The following PODXL2 variants were observed in gnomAD, a reference collection of about 807,000 sequenced individuals.
The protein encoded by PODXL2 is podocalyxin like 2, also known as podocalyxin-like protein 2.
PODXL2 carries 17 observed loss-of-function variants against 53.4 expected under a neutral mutation model. The ratio of observed to expected loss-of-function variants is 0.32; its 90% confidence interval spans 0.22 to 0.48. The LOEUF (loss-of-function observed/expected upper bound fraction) is 0.48, where lower values mean the gene tolerates loss of function less well. Ranked by LOEUF, PODXL2 falls within the 20% of genes least tolerant of loss-of-function variation. The pLI, the probability that PODXL2 is intolerant of heterozygous loss-of-function variation, is 0.99. For synonymous variants in PODXL2, 311 were observed against 306.7 expected (o/e 1.01, Z -0.15); for missense variants, 673 against 760.0 (o/e 0.89, Z 1.35).
At chr3:127,641,644 G>A (rs532600790) in intron 2 of PODXL2, among the ~76,000 whole-genome samples, 3 of 151,756 alleles carry the variant, frequency 2.0e-5, no homozygotes, top group African/African-American at 7.2e-5. Flanking sequence ...CTCCTGAGTA[G>A]CTGGGATCAT....
Position 127,632,695 on chromosome 3 carries a change from C to T in PODXL2, c.70+3406C>T, listed in dbSNP as rs79465311. Among the ~76,000 whole-genome samples, 1,080 of 152,314 alleles carry T rather than the reference C, an allele frequency of 7.1e-3. 19 individuals are homozygous for T. Among genetic ancestry groups the T allele is most frequent in the African/African-American group, 0.025 (1,023 of 41,564 alleles). Reference sequence around the variant, plus strand: ...GCTTTTGCAAAGCAGTCTGCTACATCGGCTCATATCCCCTAAAGAACTTAG... The same window carrying T: ...GCTTTTGCAAAGCAGTCTGCTACATTGGCTCATATCCCCTAAAGAACTTAG... On this transcript the variant is annotated intron_variant, in intron 1 of 7. Transcript: ENST00000342480.
chr3:127,639,170 G>T, intron 1 of PODXL2, 75 bp from the exon 2 acceptor site: 1 of 1,427,892 alleles, frequency 7.0e-7, no homozygotes, highest in Non-Finnish European at 9.4e-7. Context: ...TGTCATTTGA[G>T]ACATGCTCTA....
intron 3 of PODXL2, among the ~76,000 whole-genome samples, 155 bp downstream of exon 3, chr3:127,661,314 A>C (rs906179156): frequency 1.3e-5 from 2 of 152,182 alleles, no homozygotes; most frequent in Admixed American, 6.5e-5. Flanking sequence ...TGGGGATGCA[A>C]ACCTCAGGGC....
At chr3:127,660,297 T>G (rs929800336) in intron 2 of PODXL2, 81 bp from the exon 3 acceptor site, 1 of 1,545,688 alleles carries the variant, frequency 6.5e-7, no homozygotes, top group Non-Finnish European at 8.7e-7. Flanking sequence ...TTGTGGTTCT[T>G]TTATGCCATC....
In PODXL2 at chr3:127,629,211, G is replaced by C. The variant is rs1362580084; in HGVS notation, c.-9G>C. The stretch of plus-strand genomic sequence containing the variant: ...CGCCGCTGCGGCTGCAGGCGGCGAC[G>C]GCTACACCATGGGCCGGCTGCTGCG... On this transcript the variant is annotated 5_prime_UTR_variant, in exon 1 of 8. Transcript: ENST00000342480. The surrounding 1 kb of genome is among the most constrained non-coding windows in gnomAD (Gnocchi z 6.4). 3.0e-6 allele frequency: 3 copies of C among 989,462 alleles called. No individual in the cohort carries two copies. The highest frequency in any genetic ancestry group is 1.8e-5 in the African/African-American group (1 of 56,752). The allele number at this position is 989,462 out of a possible 1,614,324, so 61.3% of individuals were successfully genotyped here. A position where few individuals can be genotyped will look rare whatever the true frequency, so the allele number is the denominator to read the frequency against.
At chr3:127,663,453 C>G (rs1297293129) in intron 4 of PODXL2, among the ~76,000 whole-genome samples, 1 of 152,184 alleles carries the variant, frequency 6.6e-6, no homozygotes, top group African/African-American at 2.4e-5. Context: ...GCCTTAAATT[C>G]TTTACTCTTG....
At chr3:127,645,858 A>G (rs999718999) in intron 2 of PODXL2, among the ~76,000 whole-genome samples, 1 of 152,136 alleles carries the variant, frequency 6.6e-6, no homozygotes, top group Non-Finnish European at 1.5e-5. Flanking sequence ...GCTTCTGTCT[A>G]GGGGTTCTTG....
chr3:127,644,537 G>A (rs961428819), intron 2 of PODXL2, among the ~76,000 whole-genome samples: 9 of 150,962 alleles, frequency 6.0e-5, no homozygotes, highest in Non-Finnish European at 1.2e-4. Context: ...TTGGCCTCAG[G>A]ACCACAGTGG....
intron 2 of PODXL2, among the ~76,000 whole-genome samples, chr3:127,654,820 C>T (rs976263184): frequency 1.3e-5 from 2 of 152,292 alleles, no homozygotes; most frequent in Middle Eastern, 3.4e-3. Context: ...GGTGCGGTGG[C>T]TTACGCCTAT....
At chr3:127,657,524 G>C (rs2074732811) in intron 2 of PODXL2, among the ~76,000 whole-genome samples, 1 of 152,180 alleles carries the variant, frequency 6.6e-6, no homozygotes, top group South Asian at 2.1e-4. Context: ...CATCTCTTGA[G>C]TCTGCTCTTT....
chr3:127,672,233 T>C, intron 7 of PODXL2, 35 bp from the exon 8 acceptor site: 3 of 1,520,716 alleles, frequency 2.0e-6, no homozygotes, highest in Non-Finnish European at 2.7e-6. Context: ...GGGGGCTGGC[T>C]CGCTCGCCCA....
At chr3:127,666,819 C>T (rs2074797116) in intron 4 of PODXL2, among the ~76,000 whole-genome samples, 4 of 152,242 alleles carry the variant, frequency 2.6e-5, no homozygotes, top group Admixed American at 1.3e-4. Context: ...GATCCTCCCA[C>T]ACTGACATTG....
At chr3:127,636,652 G>A (rs2074579923) in intron 1 of PODXL2, among the ~76,000 whole-genome samples, 1 of 152,202 alleles carries the variant, frequency 6.6e-6, no homozygotes, top group Admixed American at 6.5e-5. Context: ...TTTGTCCGTG[G>A]ACATGGTGCC....
chr3:127,663,551 CT>C (rs1055494657), intron 4 of PODXL2, among the ~76,000 whole-genome samples: 29 of 152,340 alleles, frequency 1.9e-4, no homozygotes, highest in African/African-American at 6.5e-4. Flanking sequence ...CATCACTATA[CT>C]GATGGATCTT....
In PODXL2 at chr3:127,639,315, G is replaced by C; in HGVS notation, c.141G>C (p.Leu47=). The C allele has an allele frequency of 6.2e-7, 1 of 1,614,004 alleles. No homozygotes were observed. The highest frequency in any genetic ancestry group is 8.5e-7 in the Non-Finnish European group (1 of 1,180,030). The change falls in exon 2 of 8, where the codon CTG becomes CTC. Residue 47 remains leucine, a synonymous_variant. Transcript: ENST00000342480. ...PGPEGLTSTS[L]LDLLLPTGLE... ...CAGAGGGCCTCACCTCCACCTCCCTGCTAGACCTCCTGCTGCCCACTGGCT... is the reference window on the plus strand; with the variant it reads ...CAGAGGGCCTCACCTCCACCTCCCTCCTAGACCTCCTGCTGCCCACTGGCT...
intron 2 of PODXL2, among the ~76,000 whole-genome samples, chr3:127,656,816 A>G (rs563529788): frequency 1.4e-5 from 2 of 145,952 alleles, no homozygotes; most frequent in Non-Finnish European, 3.0e-5. Context: ...AGACTGAGGT[A>G]GGAGAATTGC....
chr3:127,672,478 T>TA lies in PODXL2; in HGVS notation c.1816_1817insA (p.Ter606=). The TA allele has an allele frequency of 1.3e-6, 2 of 1,499,390 alleles. No individual in the cohort carries two copies. The highest frequency in any genetic ancestry group is 5.1e-5 in the East Asian group (2 of 39,186). 92.9% of individuals were successfully genotyped at this position (1,499,390 alleles called of 1,614,324 possible). Reference sequence around the variant, plus strand: ...CGTGTTCGAGGAGGACACGCACCTGTGAGCGCAGCCGAGGCGCAGGCCGAG... The same window carrying TA: ...CGTGTTCGAGGAGGACACGCACCTGTAGAGCGCAGCCGAGGCGCAGGCCGAG... ...SDVFEEDTHL[*] The change falls in exon 8 of 8, where the codon TGA becomes TAGA. Residue 606 remains the stop codon, a frameshift_variant and stop_retained_variant. Transcript: ENST00000342480. LOFTEE classifies it high-confidence loss of function.
chr3:127,672,099 T>A (rs1018584126), intron 7 of PODXL2, among the ~76,000 whole-genome samples, 169 bp from the exon 8 acceptor site: 3 of 152,058 alleles, frequency 2.0e-5, no homozygotes, highest in African/African-American at 7.2e-5. Flanking sequence ...CAACGACTAG[T>A]AGGTTTATTT....
Position 127,629,837 on chromosome 3 carries a change from C to T in PODXL2, c.70+548C>T, listed in dbSNP as rs918925947. 4.6e-4 allele frequency among the ~76,000 whole-genome samples: 70 copies of T among 152,220 alleles called. No homozygotes were observed. Among genetic ancestry groups the T allele is most frequent in the African/African-American group, 1.5e-3 (64 of 41,540 alleles). The stretch of plus-strand genomic sequence containing the variant: ...GTGTGTCACGGTGAATGGGTATTCT[C>T]TCCTGTTCTGGGCGACTCTATTAGG... On this transcript the variant is annotated intron_variant, in intron 1 of 7. Coordinates refer to ENST00000342480, the MANE Select transcript of PODXL2 (RefSeq NM_015720.4). The surrounding 1 kb of genome is among the most constrained non-coding windows in gnomAD (Gnocchi z 6.4).
Sources: allele counts gnomAD v4.1 joint callset (sites outside exome capture counted in the v4.1 genomes callset), GRCh38; gene constraint gnomAD v4.1.1; non-coding constraint Gnocchi (gnomAD v3.1); transcripts MANE v1.5; gene names NCBI Gene and HGNC (gene_info 2026-07-23, HGNC 2026-07-21).